CNTFR: variants seen among roughly 807,000 people sequenced by gnomAD.
CNTFR encodes ciliary neurotrophic factor receptor, also known as ciliary neurotrophic factor receptor subunit alpha.
In CNTFR, 12 loss-of-function variants were observed where a neutral mutation model predicts 40.4. The ratio of observed to expected loss-of-function variants is 0.30; its 90% CI spans 0.19 to 0.48. The LOEUF (loss-of-function observed/expected upper bound fraction) is 0.48. Ranked by LOEUF, CNTFR falls within the 20% of genes least tolerant of loss-of-function variation. The probability of loss-of-function intolerance (pLI) is 0.99; values close to 1 mark genes in which losing one functional copy is unlikely to be tolerated. For missense variants in CNTFR, 414 were observed against 506.8 expected (o/e 0.82, Z 1.76); for synonymous variants, 202 against 209.6 (o/e 0.96, Z 0.31).
At chr9:34,578,156 G>A (rs2132236126) in intron 2 of CNTFR, among the ~76,000 whole-genome samples, 1 of 152,094 alleles carries the variant, frequency 6.6e-6, no homozygotes, top group African/African-American at 2.4e-5. Context: ...CAGCGGTCCC[G>A]GCGGGCGGGT....
In CNTFR at chr9:34,589,054, C is replaced by T. The variant is rs375997843; in HGVS notation, c.-112+501G>A. Among the ~76,000 whole-genome samples the T allele has an allele frequency of 1.4e-4, 21 of 151,930 alleles. No individual in the cohort carries two copies. In the East Asian group the frequency reaches 1.9e-3, roughly 14 times the overall value. On this transcript the variant is annotated intron_variant, in intron 1 of 9. Coordinates refer to ENST00000378980, the MANE Select transcript of CNTFR (RefSeq NM_147164.3). This position sits in a 1 kb window ranked among gnomAD's most constrained non-coding sequence, Gnocchi z 4.4. ...CCATGGGGACGCCGACCGACACACACATGCACACACACACGCGCGCGCGGG... is the reference window on the plus strand; with the variant it reads ...CCATGGGGACGCCGACCGACACACATATGCACACACACACGCGCGCGCGGG...
At chr9:34,559,543 A>C (rs1004638798) in intron 4 of CNTFR, among the ~76,000 whole-genome samples, 15 of 151,582 alleles carry the variant, frequency 9.9e-5, no homozygotes, top group African/African-American at 3.1e-4. Context: ...CGTCCATCTC[A>C]TGTCGTTCCA....
chr9:34,569,161 C>T (rs1269518218), intron 2 of CNTFR, among the ~76,000 whole-genome samples, 180 bp from the exon 3 acceptor site: 1 of 152,196 alleles, frequency 6.6e-6, no homozygotes, highest in Admixed American at 6.5e-5. Context: ...GGGAATCATG[C>T]AGGCAGGGAG....
chr9:34,552,440 C>T lies in CNTFR; in HGVS notation c.950-111G>A. ...CCTGCATCAGACTGGTACTGCCTCC[C>T]CCATCAGGCAGATCCTGTTTCCCAA... On this transcript the variant is annotated intron_variant, in intron 8 of 9. Coordinates refer to ENST00000378980, the MANE Select transcript of CNTFR (RefSeq NM_147164.3). This position sits in a 1 kb window ranked among gnomAD's most constrained non-coding sequence, Gnocchi z 5.1. The T allele has an allele frequency of 3.4e-6, 4 of 1,169,616 alleles. No homozygotes were observed. The highest frequency in any genetic ancestry group is 1.2e-6 in the Non-Finnish European group (1 of 847,536). 72.5% of individuals were successfully genotyped at this position (1,169,616 alleles called of 1,614,324 possible). A position where few individuals can be genotyped will look rare whatever the true frequency, so the allele number is the denominator to read the frequency against.
In CNTFR at chr9:34,583,654, C is replaced by T. The variant is rs1827422845; in HGVS notation, c.-111-2449G>A. Among the ~76,000 whole-genome samples the T allele has an allele frequency of 1.3e-5, 2 of 151,510 alleles. 1 individual carries two copies. The highest frequency in any genetic ancestry group is 4.2e-4 in the South Asian group (2 of 4,750). On this transcript the variant is annotated intron_variant, in intron 1 of 9. Transcript: ENST00000378980. ...CCCAAGCTCGCCAAGGCAGCTCTATCAGAATCAGCTGCGGGGTTGTGCTGA... is the reference window on the plus strand; with the variant it reads ...CCCAAGCTCGCCAAGGCAGCTCTATTAGAATCAGCTGCGGGGTTGTGCTGA...
chr9:34,584,933 T>C (rs1176795835), intron 1 of CNTFR, among the ~76,000 whole-genome samples: 3 of 152,102 alleles, frequency 2.0e-5, no homozygotes, highest in Non-Finnish European at 4.4e-5. Context: ...CAGTCTTCCT[T>C]TGAGCCAAAC....
At position 34,557,412 on chromosome 9, in the gene CNTFR, G is replaced by A. The variant is rs1825891997; in HGVS notation, c.604+114C>T. 1 of 1,157,822 alleles carries A rather than the reference G, an allele frequency of 8.6e-7. No homozygotes were observed. Among genetic ancestry groups the A allele is most frequent in the Non-Finnish European group, 1.2e-6 (1 of 802,160 alleles). The allele number at this position is 1,157,822 out of a possible 1,614,324, so 71.7% of individuals were successfully genotyped here. A position where few individuals can be genotyped will look rare whatever the true frequency, so the allele number is the denominator to read the frequency against. On this transcript the variant is annotated intron_variant, in intron 6 of 9. Transcript: ENST00000378980. This position sits in a 1 kb window ranked among gnomAD's most constrained non-coding sequence, Gnocchi z 4.2. Reference sequence around the variant, plus strand: ...GTGCACTGTACATACCTGTGCAGAGGCATGTACATGCCATGTATACATGTG... The same window carrying A: ...GTGCACTGTACATACCTGTGCAGAGACATGTACATGCCATGTATACATGTG...
intron 1 of CNTFR, among the ~76,000 whole-genome samples, chr9:34,581,621 T>C (rs1827289284): frequency 6.6e-6 from 1 of 152,268 alleles, no homozygotes; most frequent in African/African-American, 2.4e-5. Context: ...TATGATTTAT[T>C]GAGCATCTAT....
intron 2 of CNTFR, among the ~76,000 whole-genome samples, chr9:34,574,827 G>A (rs189636812): frequency 2.0e-4 from 30 of 152,354 alleles, no homozygotes; most frequent in Middle Eastern, 3.4e-3. Context: ...CAGCATGTGC[G>A]TGCCCTGCTG....
intron 2 of CNTFR, among the ~76,000 whole-genome samples, chr9:34,573,602 G>C (rs545690863): frequency 2.6e-5 from 4 of 152,310 alleles, no homozygotes; most frequent in African/African-American, 7.2e-5. Flanking sequence ...ATCTGATGAA[G>C]GGCATCCGGC....
Position 34,557,066 on chromosome 9 carries a change from T to A in CNTFR, c.604+460A>T, listed in dbSNP as rs1294235882. Among the ~76,000 whole-genome samples the A allele has an allele frequency of 8.6e-6, 1 of 116,170 alleles. No individual in the cohort carries two copies. Among genetic ancestry groups the A allele is most frequent in the African/African-American group, 3.4e-5 (1 of 29,000 alleles). The allele number at this position is 116,170 out of a possible 152,430, so 76.2% of individuals were successfully genotyped here. A position where few individuals can be genotyped will look rare whatever the true frequency, so the allele number is the denominator to read the frequency against. On this transcript the variant is annotated intron_variant, in intron 6 of 9. Transcript: ENST00000378980. The surrounding 1 kb of genome is among the most constrained non-coding windows in gnomAD (Gnocchi z 4.2). ...TAGCAGGCAGAGAGCCTGCCTGGAA[T>A]AGGGCAGGGGCAGGTAGAGGGTCTG... is the stretch of plus-strand genomic sequence containing the variant.
chr9:34,577,912 G>A (rs1285409291), intron 2 of CNTFR, among the ~76,000 whole-genome samples: 1 of 151,122 alleles, frequency 6.6e-6, no homozygotes, highest in Non-Finnish European at 1.5e-5. Context: ...AAAGGAGCGG[G>A]AAGCGCCGAG....
chr9:34,584,470 G>A (rs1242123908), intron 1 of CNTFR, among the ~76,000 whole-genome samples: 1 of 152,218 alleles, frequency 6.6e-6, no homozygotes, highest in African/African-American at 2.4e-5. Flanking sequence ...GCCCACGCCA[G>A]CAACTCCTGG....
At chr9:34,590,526 C>G (rs1233847951), upstream of CNTFR, among the ~76,000 whole-genome samples, 1 of 152,234 alleles carries the variant, frequency 6.6e-6, no homozygotes, top group Non-Finnish European at 1.5e-5. Flanking sequence ...CTTCCTTGAC[C>G]GGGGATGGAC....
At chr9:34,585,006 A>G (rs1338475145) in intron 1 of CNTFR, among the ~76,000 whole-genome samples, 2 of 152,190 alleles carry the variant, frequency 1.3e-5, no homozygotes, top group African/African-American at 4.8e-5. Context: ...CCCTCTCCTC[A>G]TGATCTGTCC....
At position 34,555,021 on chromosome 9, in the gene CNTFR, C is replaced by T. The variant is rs534947906; in HGVS notation, c.768+1234G>A. The stretch of plus-strand genomic sequence containing the variant: ...GTTAGTTGCACACACGTATGGTGTA[C>T]GGTTCCCGCTGGGAGCCGCGTGCGT... On this transcript the variant is annotated intron_variant, in intron 7 of 9. Transcript: ENST00000378980. Among the ~76,000 whole-genome samples the T allele has an allele frequency of 1.9e-4, 29 of 152,346 alleles. No homozygotes were observed. In the South Asian group the frequency reaches 3.1e-3, roughly 16 times the overall value.
intron 2 of CNTFR, 88 bp from the exon 3 acceptor site, chr9:34,569,069 T>C: frequency 7.8e-7 from 1 of 1,289,108 alleles, no homozygotes; most frequent in South Asian, 1.3e-5. Context: ...CAGGCAAGAC[T>C]GGGAAATCCC....
Position 34,551,844 on chromosome 9 carries a change from G to T in CNTFR, c.*227C>A, listed in dbSNP as rs1262943504. On this transcript the variant is annotated 3_prime_UTR_variant, in exon 10 of 10. Coordinates refer to ENST00000378980, the MANE Select transcript of CNTFR (RefSeq NM_147164.3). ...GGGTGAGGGGGTCTTTGGTGGGTGG[G>T]TTAGCTGCATGGCCCACCTCCCCTG... 11 of 650,482 alleles carry T rather than the reference G, an allele frequency of 1.7e-5. No homozygotes were observed. Among genetic ancestry groups the T allele is most frequent in the Non-Finnish European group, 2.8e-5 (10 of 360,440 alleles). 40.3% of individuals were successfully genotyped at this position (650,482 alleles called of 1,614,324 possible). A position where few individuals can be genotyped will look rare whatever the true frequency, so the allele number is the denominator to read the frequency against.
At chr9:34,565,904 T>G (rs1587136696) in intron 3 of CNTFR, among the ~76,000 whole-genome samples, 1 of 120,320 alleles carries the variant, frequency 8.3e-6, no homozygotes, top group African/African-American at 3.2e-5. Flanking sequence ...ATCTGCGGAG[T>G]GAGGGTGGGA....
Sources: allele counts gnomAD v4.1 joint callset (sites outside exome capture counted in the v4.1 genomes callset), GRCh38; gene constraint gnomAD v4.1.1; non-coding constraint Gnocchi (gnomAD v3.1); transcripts MANE v1.5; gene names NCBI Gene and HGNC (gene_info 2026-07-23, HGNC 2026-07-21).